Variants in SETD2 observed in about 807,000 individuals in gnomAD.
SETD2 encodes SET domain containing 2, histone lysine methyltransferase, also known as histone-lysine N-methyltransferase SETD2.
In SETD2, 31 loss-of-function variants were observed where a neutral mutation model predicts 242.1. The ratio of observed to expected loss-of-function variants is 0.13; its 90% CI spans 0.10 to 0.17. The LOEUF (loss-of-function observed/expected upper bound fraction) is 0.17. Ranked by LOEUF, SETD2 falls within the 10% of genes least tolerant of loss-of-function variation. The probability of loss-of-function intolerance (pLI) is 1.00; values close to 1 mark genes in which losing one functional copy is unlikely to be tolerated. For synonymous variants in SETD2, 1,006 were observed against 1,066.5 expected, an observed-to-expected ratio of 0.94 and a Z score of 1.11; for missense variants, 2,481 against 3,046.3, an observed-to-expected ratio of 0.81 and a Z score of 4.37.
Position 47,017,611 on chromosome 3 carries a change from G to T in SETD2, c.7533+27C>A. ...CACAGTTTGCCCAGAACATTGCCTGGTGGGCTACCAAAAGCAAGGGGAGTA... is the reference window on the plus strand; with the variant it reads ...CACAGTTTGCCCAGAACATTGCCTGTTGGGCTACCAAAAGCAAGGGGAGTA... On this transcript the variant is annotated intron_variant, in intron 20 of 20. Transcript: ENST00000409792. The surrounding 1 kb of genome is among the most constrained non-coding windows in gnomAD (Gnocchi z 4.8). 2 of 1,485,622 alleles carry T rather than the reference G, an allele frequency of 1.3e-6. No homozygotes were observed. The highest frequency in any genetic ancestry group is 1.9e-6 in the Non-Finnish European group (2 of 1,063,020). 92.0% of individuals were successfully genotyped at this position (1,485,622 alleles called of 1,614,324 possible). A position where few individuals can be genotyped will look rare whatever the true frequency, so the allele number is the denominator to read the frequency against.
chr3:47,118,294 C>T lies in SETD2; in HGVS notation c.4455-1540G>A, dbSNP rs144992217. On this transcript the variant is annotated intron_variant, in intron 3 of 20. Coordinates refer to ENST00000409792, the MANE Select transcript of SETD2 (RefSeq NM_014159.7). ...AGAAGGCTGGAATAGGACGAATGGG[C>T]ATAGATTTTGGCAGGTAAGCCCTTT... 1.1e-4 allele frequency among the ~76,000 whole-genome samples: 17 copies of T among 152,274 alleles called. No individual in the cohort carries two copies. The East Asian group carries it at 3.3e-3, about 29-fold the overall frequency.
At chr3:47,101,781 T>C (rs2042223623) in intron 7 of SETD2, among the ~76,000 whole-genome samples, 2 of 152,124 alleles carry the variant, frequency 1.3e-5, no homozygotes, top group African/African-American at 2.4e-5. Flanking sequence ...GACTACCAGA[T>C]TGCATATATC....
chr3:47,088,050 C>G (rs2041640539), intron 10 of SETD2, 63 bp downstream of exon 10: 1 of 1,457,016 alleles, frequency 6.9e-7, no homozygotes, highest in Non-Finnish European at 9.3e-7. Flanking sequence ...CTTCTTCATT[C>G]ATCTTCATTC....
At chr3:47,069,126 C>T (rs1191579588) in intron 12 of SETD2, among the ~76,000 whole-genome samples, 2 of 152,084 alleles carry the variant, frequency 1.3e-5, no homozygotes, top group Admixed American at 6.5e-5. Context: ...AGCTTCAAAA[C>T]GACCCTATGA....
chr3:47,112,764 A>G (rs2042709723), intron 5 of SETD2, among the ~76,000 whole-genome samples: 1 of 151,432 alleles, frequency 6.6e-6, no homozygotes, highest in African/African-American at 2.4e-5. Flanking sequence ...TAATTTTTGT[A>G]TTTTTAGTAG....
At chr3:47,046,686 C>A in intron 15 of SETD2, 65 bp from the exon 16 acceptor site, 2 of 1,442,352 alleles carry the variant, frequency 1.4e-6, no homozygotes, top group Non-Finnish European at 1.9e-6. Context: ...AGACTGACTT[C>A]CAAGTTGGCA....
At position 47,163,739 on chromosome 3, in the gene SETD2, A is replaced by G. The variant is rs935309378; in HGVS notation, c.71+115T>C. ...CTCCCGACACCGACCGCGCGAGGCC[A>G]CCGTGGGCCTGTTACTCCTCGCGCC... On this transcript the variant is annotated intron_variant, in intron 1 of 20. Coordinates refer to ENST00000409792, the MANE Select transcript of SETD2 (RefSeq NM_014159.7). The G allele has an allele frequency of 9.3e-6, 7 of 753,406 alleles. 1 individual carries two copies. Among genetic ancestry groups the G allele is most frequent in the African/African-American group, 1.9e-5 (1 of 51,414 alleles). The allele number at this position is 753,406 out of a possible 1,614,324, so 46.7% of individuals were successfully genotyped here. A position where few individuals can be genotyped will look rare whatever the true frequency, so the allele number is the denominator to read the frequency against.
In SETD2 at chr3:47,084,270, A is replaced by G. The variant is rs1196664039; in HGVS notation, c.5510T>C (p.Leu1837Ser). The G allele has an allele frequency of 6.2e-7, 1 of 1,614,120 alleles. No homozygotes were observed. Among genetic ancestry groups the G allele is most frequent in the South Asian group, 1.1e-5 (1 of 91,086 alleles). The change falls in exon 12 of 21, where the codon TTG becomes TCG. Residue 1837 changes from leucine to serine, a missense_variant. Leu to Ser is a moderately radical substitution (Grantham distance 145). Around this residue, in one of 17 missense-constraint regions of SETD2, gnomAD observed 203 missense variants for 222.4 expected, o/e 0.91. Transcript: ENST00000409792. ...WSQTKTAVPP[L>S]SEGDGYSSEN... ...ACTAGAATACCCATCTCCTTCACTC[A>G]ACGGAGGGACAGCAGTCTTAGTCTG...
chr3:47,121,705 T>C lies in SETD2; in HGVS notation c.2931A>G (p.Pro977=). The C allele has an allele frequency of 1.9e-6, 3 of 1,614,128 alleles. No homozygotes were observed. The highest frequency in any genetic ancestry group is 1.1e-5 in the South Asian group (1 of 91,082). Residue 977 remains proline, a synonymous_variant, in exon 3 of 21, where the codon CCA becomes CCG. Transcript: ENST00000409792. ...CTCCTCTTTCATCTAAAGAGATTTC[T>C]GGTCTTCCTCTTCTTTCAGGCAATA... is the stretch of plus-strand genomic sequence containing the variant. ...NSILPERRGR[P]EISLDERGEG...
At chr3:47,060,027 C>T (rs2040265932) in intron 14 of SETD2, among the ~76,000 whole-genome samples, 1 of 152,136 alleles carries the variant, frequency 6.6e-6, no homozygotes, top group Non-Finnish European at 1.5e-5. Context: ...TTAGGTGATC[C>T]ACCAGCCTCG....
At chr3:47,129,408 C>T (rs888843610) in intron 1 of SETD2, among the ~76,000 whole-genome samples, 6 of 152,216 alleles carry the variant, frequency 3.9e-5, no homozygotes, top group African/African-American at 1.4e-4. Context: ...GCTTTCTGCA[C>T]TCGTTTGTGC....
Position 47,057,141 on chromosome 3 carries a change from C to A in SETD2, c.6643G>T (p.Glu2215Ter). 6.2e-7 allele frequency: 1 copy of A among 1,614,092 alleles called. No individual in the cohort carries two copies. Among genetic ancestry groups the A allele is most frequent in the Non-Finnish European group, 8.5e-7 (1 of 1,179,956 alleles). The change falls in exon 15 of 21, where the codon GAA becomes TAA. Residue 2215 changes from glutamate to a stop codon, truncating the protein, a stop_gained. Coordinates refer to ENST00000409792, the MANE Select transcript of SETD2 (RefSeq NM_014159.7). LOFTEE classifies it high-confidence loss of function. ...HAQPLVGHST[E>*]PLSAPPPVPV... ...ACTGGTGGAGGGGCAGAAAGGGGTT[C>A]TGTAGAATGTCCCACCAAGGGCTGA...
chr3:47,053,989 T>C (rs1369748647), intron 15 of SETD2, among the ~76,000 whole-genome samples: 1 of 152,210 alleles, frequency 6.6e-6, no homozygotes, highest in Non-Finnish European at 1.5e-5. Context: ...CTCAAGAATA[T>C]TAATGCCTGT....
intron 1 of SETD2, among the ~76,000 whole-genome samples, chr3:47,137,881 G>T (rs2043626580): frequency 6.6e-6 from 1 of 151,844 alleles, no homozygotes; most frequent in South Asian, 2.1e-4. Context: ...TAGAGATGGG[G>T]TTTTGCCAAG....
intron 18 of SETD2, among the ~76,000 whole-genome samples, chr3:47,031,525 A>T (rs1320811798): frequency 6.6e-6 from 1 of 152,254 alleles, no homozygotes; most frequent in African/African-American, 2.4e-5. Flanking sequence ...CTGAAATACT[A>T]GAAATGTTAA....
Position 47,121,574 on chromosome 3 carries a change from C to A in SETD2, c.3062G>T (p.Cys1021Phe), listed in dbSNP as rs1046111474. 6.2e-7 allele frequency: 1 copy of A among 1,614,124 alleles called. No individual in the cohort carries two copies. Among genetic ancestry groups the A allele is most frequent in the Non-Finnish European group, 8.5e-7 (1 of 1,179,978 alleles). ...TTCTGGGGCATGACCACTACTGTCA[C>A]ACTTTAATGCATAAGTTACACCATC... ...DSDGVTYALK[C>F]DSSGHAPEIV... Residue 1021 changes from cysteine to phenylalanine, a missense_variant, in exon 3 of 21, where the codon TGT becomes TTT. Cys to Phe is a radical substitution (Grantham distance 205). This residue lies in a region of SETD2 where 1,300 missense variants were observed against 1,259.2 expected (regional missense o/e 1.03). Transcript: ENST00000409792.
intron 9 of SETD2, among the ~76,000 whole-genome samples, chr3:47,091,501 G>A (rs1185616011): frequency 1.3e-5 from 2 of 151,966 alleles, no homozygotes. Flanking sequence ...GGTGGCTCAC[G>A]CCTGTAATCC....
At position 47,123,544 on chromosome 3, in the gene SETD2, C is replaced by T. The variant is rs2106706358; in HGVS notation, c.1092G>A (p.Gly364=). 2.6e-6 allele frequency: 4 copies of T among 1,550,450 alleles called. No individual in the cohort carries two copies. Among genetic ancestry groups the T allele is most frequent in the Non-Finnish European group, 3.5e-6 (4 of 1,146,982 alleles). Residue 364 remains glycine, a synonymous_variant, in exon 3 of 21, where the codon GGG becomes GGA. Transcript: ENST00000409792. ...TGTCTGTTTTAGATCGTGAAGGTTT[C>T]CCTAGATCCTCACTTTTTAAAGGTG... ...SSAPLKSEDL[G]KPSRSKTDRD...
Position 47,122,609 on chromosome 3 carries a change from G to T in SETD2, c.2027C>A (p.Ser676Tyr). ...TGCCAAATCAGATTCTGCCCCAGGA[G>T]ATCCATTTATATTTAATTCTATGGG... Reference protein sequence around the residue: ...FCPIELNINGSPGAESDLATF... With the variant: ...FCPIELNINGYPGAESDLATF... The change falls in exon 3 of 21, where the codon TCT becomes TAT. Residue 676 changes from serine (S) to tyrosine (Y), a missense_variant. Transcript: ENST00000409792. 6.2e-7 allele frequency: 1 copy of T among 1,613,982 alleles called. No homozygotes were observed. The highest frequency in any genetic ancestry group is 8.5e-7 in the Non-Finnish European group (1 of 1,179,948).
Sources: gnomAD v4.1 joint callset for allele counts (sites outside exome capture counted in the v4.1 genomes callset) on GRCh38, gnomAD v4.1.1 for gene constraint, gnomAD v4.1.1 regional missense constraint, Gnocchi (gnomAD v3.1) non-coding constraint, MANE v1.5 for transcripts, NCBI Gene and HGNC (gene_info 2026-07-23, HGNC 2026-07-21) for gene names.